Variants in PLS1 observed in about 807,000 individuals in gnomAD.
The protein encoded by PLS1 is plastin 1.
PLS1 carries 32 observed loss-of-function variants against 73.7 expected under a neutral mutation model. The observed-to-expected ratio is 0.43, with a 90% CI of 0.33 to 0.58. PLS1 has a LOEUF of 0.58. PLS1 is among the 20% of genes least tolerant of loss of function. The probability of loss-of-function intolerance (pLI) is 0.04; values close to 1 mark genes in which losing one functional copy is unlikely to be tolerated. For synonymous variants in PLS1, 217 were observed against 261.3 expected, an observed-to-expected ratio of 0.83 and a Z score of 1.63; for missense variants, 633 against 740.5, an observed-to-expected ratio of 0.85 and a Z score of 1.68.
chr3:142,617,650 A>G (rs2036238761), intron 1 of PLS1, among the ~76,000 whole-genome samples: 1 of 152,194 alleles, frequency 6.6e-6, no homozygotes, highest in Non-Finnish European at 1.5e-5. Context: ...CATTCAAAAT[A>G]AGATCCACAT....
Position 142,649,539 on chromosome 3 carries a change from G to A in PLS1, c.-36-14663G>A, listed in dbSNP as rs979165689. 4.6e-5 allele frequency among the ~76,000 whole-genome samples: 7 copies of A among 152,124 alleles called. No individual in the cohort carries two copies. The East Asian group carries it at 1.4e-3, about 29-fold the overall frequency. ...TGAAATCTCAGCTACTAGGGAGGCT[G>A]TGGCAGGAGAATTGCTTGAGCCTGG... On this transcript the variant is annotated intron_variant, in intron 1 of 15. Coordinates refer to ENST00000457734, the MANE Select transcript of PLS1 (RefSeq NM_001145319.2).
At chr3:142,633,002 A>G (rs1226175384) in intron 1 of PLS1, among the ~76,000 whole-genome samples, 1 of 152,244 alleles carries the variant, frequency 6.6e-6, no homozygotes, top group African/African-American at 2.4e-5. Context: ...GCAAGTGACT[A>G]TATGAAGGAA....
intron 2 of PLS1, among the ~76,000 whole-genome samples, chr3:142,665,004 T>C (rs139421437): frequency 6.6e-6 from 1 of 151,160 alleles, no homozygotes; most frequent in East Asian, 1.9e-4. Context: ...TGCAAATGCA[T>C]GCAAGTGAAA....
intron 2 of PLS1, 76 bp from the exon 3 acceptor site, chr3:142,669,314 A>T: frequency 1.3e-6 from 1 of 799,242 alleles, no homozygotes; most frequent in Non-Finnish European, 1.9e-6. Context: ...CACATCTATG[A>T]ATCCTCCCAA....
At chr3:142,655,416 A>G (rs561820189) in intron 1 of PLS1, among the ~76,000 whole-genome samples, 1 of 152,260 alleles carries the variant, frequency 6.6e-6, no homozygotes, top group Non-Finnish European at 1.5e-5. Context: ...GGAGATTGTC[A>G]GGCCTCCCTT....
At chr3:142,603,217 C>A (rs150912252) in intron 1 of PLS1, among the ~76,000 whole-genome samples, 26 of 152,218 alleles carry the variant, frequency 1.7e-4, no homozygotes, top group African/African-American at 2.9e-4. Context: ...CTGAAAGTGC[C>A]TATGTGCCGT....
chr3:142,618,939 A>G (rs1193161749), intron 1 of PLS1, among the ~76,000 whole-genome samples: 1 of 152,164 alleles, frequency 6.6e-6, no homozygotes, highest in Non-Finnish European at 1.5e-5. Flanking sequence ...GGGGATTAGG[A>G]TGCAGACATC....
At chr3:142,638,745 T>C (rs1202226662) in intron 1 of PLS1, among the ~76,000 whole-genome samples, 5 of 78,040 alleles carry the variant, frequency 6.4e-5, no homozygotes, top group Admixed American at 1.1e-4. Context: ...TTTATTTTAT[T>C]TTATTTTATT....
At position 142,628,408 on chromosome 3, in the gene PLS1, C is replaced by A. The variant is rs1029932741; in HGVS notation, c.-37+31899C>A. On this transcript the variant is annotated intron_variant, in intron 1 of 15. Coordinates refer to ENST00000457734, the MANE Select transcript of PLS1 (RefSeq NM_001145319.2). ...TGCATGCAGTGTGCATGTGTGCATG[C>A]ATATGTGTATGTGTATAAATTTATG... 3.4e-5 allele frequency among the ~76,000 whole-genome samples: 5 copies of A among 148,764 alleles called. No individual in the cohort carries two copies. The East Asian group carries it at 9.7e-4, about 29-fold the overall frequency.
intron 11 of PLS1, among the ~76,000 whole-genome samples, chr3:142,696,720 A>AAATAACAAT (rs2038214038): frequency 7.3e-6 from 1 of 136,860 alleles, no homozygotes; most frequent in Non-Finnish European, 1.5e-5. Context: ...TCTATTTGCA[A>AAATAACAAT]AATAATAATA....
intron 1 of PLS1, among the ~76,000 whole-genome samples, chr3:142,659,527 CT>C (rs566675760): frequency 8.5e-5 from 13 of 152,062 alleles, no homozygotes; most frequent in African/African-American, 2.7e-4. Context: ...ATTGCCTTTG[CT>C]TTTCAGTTAT....
chr3:142,708,582 G>A (rs540602130), intron 14 of PLS1, among the ~76,000 whole-genome samples: 3 of 152,280 alleles, frequency 2.0e-5, no homozygotes, highest in African/African-American at 7.2e-5. Context: ...AGAAACAGCA[G>A]TGGAATGAAA....
chr3:142,693,889 A>C (rs1560072845), intron 10 of PLS1, among the ~76,000 whole-genome samples: 1 of 152,148 alleles, frequency 6.6e-6, no homozygotes, highest in Non-Finnish European at 1.5e-5. Context: ...ATGATAATCT[A>C]AACTAACTCA....
chr3:142,686,411 G>A (rs762846564), intron 9 of PLS1, 35 bp downstream of exon 9: 4 of 1,226,066 alleles, frequency 3.3e-6, no homozygotes, highest in South Asian at 2.4e-5. Flanking sequence ...AATATATTGT[G>A]GTAAAACAGA....
At position 142,669,550 on chromosome 3, in the gene PLS1, G is replaced by A; in HGVS notation, c.231G>A (p.Val77=). ...KDGKISFEEF[V]SLMQELKSKD... ...GCAAAATCAGTTTTGAAGAGTTTGT[G>A]TCAGTAAGTAATCTAATCCTTTCGG... The change falls in exon 3 of 16, where the codon GTG becomes GTA. Residue 77 remains valine (V), a synonymous_variant. Coordinates refer to ENST00000457734, the MANE Select transcript of PLS1 (RefSeq NM_001145319.2). 1 of 1,609,904 alleles carries A rather than the reference G, an allele frequency of 6.2e-7. No individual in the cohort carries two copies. Among genetic ancestry groups the A allele is most frequent in the Non-Finnish European group, 8.5e-7 (1 of 1,177,044 alleles).
rs200341072 is a variant in PLS1, at chr3:142,630,758, G to GA, written c.-36-33436dup. Among the ~76,000 whole-genome samples the GA allele has an allele frequency of 6.4e-3, 969 of 150,378 alleles. 12 individuals are homozygous for GA. Among genetic ancestry groups the GA allele is most frequent in the African/African-American group, 0.023 (929 of 40,972 alleles). On this transcript the variant is annotated intron_variant, in intron 1 of 15. Coordinates refer to ENST00000457734, the MANE Select transcript of PLS1 (RefSeq NM_001145319.2). ...AACAGCAAAACTCTGTCTCAAAAAA[G>GA]AAAAAAAAGAAAATCTCAAGCAACC...
At chr3:142,601,331 G>A (rs1308535948) in intron 1 of PLS1, among the ~76,000 whole-genome samples, 1 of 151,904 alleles carries the variant, frequency 6.6e-6, no homozygotes, top group Admixed American at 6.6e-5. Flanking sequence ...ACACTTAAAT[G>A]TCCAAATATT....
At chr3:142,647,841 T>G (rs2036992245) in intron 1 of PLS1, among the ~76,000 whole-genome samples, 1 of 152,186 alleles carries the variant, frequency 6.6e-6, no homozygotes, top group Non-Finnish European at 1.5e-5. Context: ...CCTACTTATT[T>G]CATTCTAGAC....
intron 1 of PLS1, among the ~76,000 whole-genome samples, chr3:142,659,478 A>G (rs774838902): frequency 2.6e-5 from 4 of 152,112 alleles, no homozygotes; most frequent in Non-Finnish European, 4.4e-5. Context: ...TCTTTAGACC[A>G]CTAGTATTTG....
Sources: allele counts gnomAD v4.1 joint callset (sites outside exome capture counted in the v4.1 genomes callset), GRCh38; gene constraint gnomAD v4.1.1; transcripts MANE v1.5; gene names NCBI Gene and HGNC (gene_info 2026-07-23, HGNC 2026-07-21).